Variants in ZEB1 observed in about 807,000 individuals in gnomAD.
ZEB1 encodes zinc finger E-box binding homeobox 1, also known as zinc finger E-box-binding homeobox 1.
In ZEB1, 21 loss-of-function variants were observed where a neutral mutation model predicts 84.9. The ratio of observed to expected loss-of-function variants is 0.25; its 90% CI spans 0.18 to 0.36. The LOEUF (loss-of-function observed/expected upper bound fraction) is 0.36, where lower values mean the gene tolerates loss of function less well. Ranked by LOEUF, ZEB1 falls within the 10% of genes least tolerant of loss-of-function variation. The pLI, the probability that ZEB1 is intolerant of heterozygous loss-of-function variation, is 1.00. For synonymous variants in ZEB1, 420 were observed against 471.1 expected (o/e 0.89, Z 1.41); for missense variants, 1,104 against 1,330.2 (o/e 0.83, Z 2.65).
chr10:31,350,728 G>GT (rs936229672), intron 1 of ZEB1, among the ~76,000 whole-genome samples: 11 of 151,722 alleles, frequency 7.3e-5, no homozygotes, highest in East Asian at 3.9e-4. Context: ...ATTATCTGGG[G>GT]TTTTTTTTGG....
intron 6 of ZEB1, among the ~76,000 whole-genome samples, chr10:31,515,329 G>A (rs58440426): frequency 0.015 from 2,357 of 152,130 alleles, 57 homozygotes; most frequent in African/African-American, 0.053. Flanking sequence ...TAAACAGAGA[G>A]CTATATTTGC....
chr10:31,334,432 T>A (rs1353696874), intron 1 of ZEB1, among the ~76,000 whole-genome samples: 1 of 152,088 alleles, frequency 6.6e-6, no homozygotes, highest in Non-Finnish European at 1.5e-5. Context: ...AGCAGTAAAT[T>A]ATTGTACACG....
chr10:31,511,172 A>G (rs1381751763), intron 5 of ZEB1, among the ~76,000 whole-genome samples: 1 of 152,184 alleles, frequency 6.6e-6, no homozygotes, highest in Admixed American at 6.5e-5. Flanking sequence ...TCAAGTTTAG[A>G]AGATGTTAAA....
chr10:31,338,346 G>T (rs2133482094), intron 1 of ZEB1, among the ~76,000 whole-genome samples: 1 of 152,230 alleles, frequency 6.6e-6, no homozygotes, highest in East Asian at 1.9e-4. Context: ...CTATGAGAAA[G>T]ATCCTGCTAT....
intron 3 of ZEB1, among the ~76,000 whole-genome samples, chr10:31,501,915 A>G (rs1193949688): frequency 6.6e-6 from 1 of 152,198 alleles, no homozygotes; most frequent in African/African-American, 2.4e-5. Flanking sequence ...ACCATGGAAA[A>G]TGAAGCCACA....
rs2139009699 is a variant in ZEB1, at chr10:31,495,637, T to C, written c.260-139T>C. The C allele has an allele frequency of 3.8e-6, 3 of 780,514 alleles. No homozygotes were observed. The South Asian group carries it at 4.7e-5, about 12-fold the overall frequency. 48.3% of individuals were successfully genotyped at this position (780,514 alleles called of 1,614,324 possible). ...ATAATAGCTGTATATATTTGGGGAG[T>C]ACATGTGATATTTTGATACATGTAT... On this transcript the variant is annotated intron_variant, in intron 2 of 8. Transcript: ENST00000424869.
intron 1 of ZEB1, among the ~76,000 whole-genome samples, chr10:31,431,751 CATT>C (rs950619401): frequency 7.9e-5 from 12 of 152,022 alleles, no homozygotes; most frequent in African/African-American, 2.9e-4. Flanking sequence ...TTAATGAAAA[CATT>C]ACTTTCAATC....
At chr10:31,365,524 T>G (rs999351706) in intron 1 of ZEB1, among the ~76,000 whole-genome samples, 1 of 152,248 alleles carries the variant, frequency 6.6e-6, no homozygotes, top group Non-Finnish European at 1.5e-5. Context: ...ACATACCTTT[T>G]ATTTAATCCA....
At position 31,514,493 on chromosome 10, in the gene ZEB1, A is replaced by G. The variant is rs535293136; in HGVS notation, c.688-110A>G. Reference sequence around the variant, plus strand: ...CTGCAATTTGAGGTCTTTAAGAAACAAAACAAAACAACCATCAGGCTCACA... The same window carrying G: ...CTGCAATTTGAGGTCTTTAAGAAACGAAACAAAACAACCATCAGGCTCACA... On this transcript the variant is annotated intron_variant, in intron 5 of 8. Coordinates refer to ENST00000424869, the MANE Select transcript of ZEB1 (RefSeq NM_001174096.2). 258 of 966,542 alleles carry G rather than the reference A, an allele frequency of 2.7e-4. 1 individual carries two copies. The highest frequency in any genetic ancestry group is 7.5e-4 in the Admixed American group (33 of 43,884). 59.9% of individuals were successfully genotyped at this position (966,542 alleles called of 1,614,324 possible).
chr10:31,443,412 CTT>C (rs370787584), intron 1 of ZEB1, among the ~76,000 whole-genome samples: 3 of 143,018 alleles, frequency 2.1e-5, no homozygotes, highest in Admixed American at 7.0e-5. Flanking sequence ...ATATTTTCTT[CTT>C]TTTTTTTTTT....
rs1226913869 is a variant in ZEB1, at chr10:31,521,092, A to G, written c.1760A>G (p.Gln587Arg). Residue 587 changes from glutamine (Q) to arginine (R), a missense_variant, in exon 7 of 9, where the codon CAG becomes CGG. Transcript: ENST00000424869. ...GGAGATGGCAATTTGTCTCCTAGTCAGCCACCTTTAAAGAACCTCTTGTCT... is the reference window on the plus strand; with the variant it reads ...GGAGATGGCAATTTGTCTCCTAGTCGGCCACCTTTAAAGAACCTCTTGTCT... ...ATGDGNLSPSQPPLKNLLSLL... is the reference protein window; with the variant it reads ...ATGDGNLSPSRPPLKNLLSLL... The G allele has an allele frequency of 3.1e-6, 5 of 1,613,990 alleles. No homozygotes were observed. The African/African-American group carries it at 4.0e-5, about 13-fold the overall frequency.
Position 31,352,413 on chromosome 10 carries a change from AT to A in ZEB1, c.58+33124del, listed in dbSNP as rs776393308. ...GCCAACACTGGCATTGTTGAAATACATTTCTAAGGAAGATGGTGAGTGTTTC... is the reference window on the plus strand; with the variant it reads ...GCCAACACTGGCATTGTTGAAATACATTCTAAGGAAGATGGTGAGTGTTTC... On this transcript the variant is annotated intron_variant, in intron 1 of 8. Coordinates refer to ENST00000424869, the MANE Select transcript of ZEB1 (RefSeq NM_001174096.2). Among the ~76,000 whole-genome samples, 5 of 152,320 alleles carry A rather than the reference AT, an allele frequency of 3.3e-5. No individual in the cohort carries two copies. In the East Asian group the frequency reaches 9.6e-4, roughly 29 times the overall value.
At chr10:31,380,472 A>G (rs1001192078) in intron 1 of ZEB1, among the ~76,000 whole-genome samples, 2 of 152,190 alleles carry the variant, frequency 1.3e-5, no homozygotes, top group Non-Finnish European at 2.9e-5. Context: ...TATCAATGCT[A>G]AAATTGGGCA....
Position 31,473,902 on chromosome 10 carries a change from G to A in ZEB1, c.259+12665G>A, listed in dbSNP as rs1318057751. ...ACTGAACAGAGCCCTCAGAAATAACGCCGCATATCTACAACTATCTGATCT... is the reference window on the plus strand; with the variant it reads ...ACTGAACAGAGCCCTCAGAAATAACACCGCATATCTACAACTATCTGATCT... On this transcript the variant is annotated intron_variant, in intron 2 of 8. Coordinates refer to ENST00000424869, the MANE Select transcript of ZEB1 (RefSeq NM_001174096.2). Among the ~76,000 whole-genome samples, 38 of 151,102 alleles carry A rather than the reference G, an allele frequency of 2.5e-4. No individual in the cohort carries two copies. The South Asian group carries it at 6.5e-3, about 26-fold the overall frequency.
At chr10:31,469,968 G>A (rs1366723514) in intron 2 of ZEB1, among the ~76,000 whole-genome samples, 6 of 152,080 alleles carry the variant, frequency 3.9e-5, no homozygotes, top group African/African-American at 1.2e-4. Context: ...CACCTCACAC[G>A]GCAGGGTACT....
chr10:31,516,688 C>G (rs896184885), intron 6 of ZEB1, among the ~76,000 whole-genome samples: 2 of 151,484 alleles, frequency 1.3e-5, no homozygotes, highest in Non-Finnish European at 2.9e-5. Context: ...TTATATAATC[C>G]TCAGAAATAT....
intron 1 of ZEB1, among the ~76,000 whole-genome samples, chr10:31,341,895 G>A (rs1456506942): frequency 6.6e-6 from 1 of 152,144 alleles, no homozygotes; most frequent in African/African-American, 2.4e-5. Flanking sequence ...AAATTGGTGG[G>A]GGAGATCAGA....
chr10:31,430,281 G>T (rs1456991787), intron 1 of ZEB1, among the ~76,000 whole-genome samples: 2 of 152,124 alleles, frequency 1.3e-5, no homozygotes, highest in Non-Finnish European at 2.9e-5. Flanking sequence ...ACTGTGTAGT[G>T]GTAGCTTATA....
In ZEB1 at chr10:31,527,414, C is replaced by T. The variant is rs903166593; in HGVS notation, c.*150C>T. ...AACTAAAAAAATACAAAATACAAAACACACACACACACACACACACACACA... is the reference window on the plus strand; with the variant it reads ...AACTAAAAAAATACAAAATACAAAATACACACACACACACACACACACACA... On this transcript the variant is annotated 3_prime_UTR_variant, in exon 9 of 9. Transcript: ENST00000424869. The T allele has an allele frequency of 8.0e-5, 16 of 199,554 alleles. No homozygotes were observed. In the African/African-American group the frequency reaches 1.4e-3, roughly 17 times the overall value. 12.4% of individuals were successfully genotyped at this position (199,554 alleles called of 1,614,324 possible). A position where few individuals can be genotyped will look rare whatever the true frequency, so the allele number is the denominator to read the frequency against.
Sources: allele counts gnomAD v4.1 joint callset (sites outside exome capture counted in the v4.1 genomes callset), GRCh38; gene constraint gnomAD v4.1.1; transcripts MANE v1.5; gene names NCBI Gene and HGNC (gene_info 2026-07-23, HGNC 2026-07-21).